SPAG17: variants seen among roughly 807,000 people sequenced by gnomAD.
The protein encoded by SPAG17 is sperm-associated antigen 17.
A neutral mutation model predicts 273.6 loss-of-function variants in SPAG17; 169 were observed. That is an observed-to-expected ratio of 0.62 (90% CI 0.55 to 0.70). SPAG17 has a LOEUF of 0.70. Ranked by LOEUF, SPAG17 falls within the 30% of genes least tolerant of loss-of-function variation. SPAG17 has a pLI of 0.00. For missense variants in SPAG17, 2,557 were observed against 2,627.8 expected (o/e 0.97, Z 0.59); for synonymous variants, 825 against 873.2 (o/e 0.94, Z 0.97).
intron 26 of SPAG17, among the ~76,000 whole-genome samples, chr1:118,027,607 G>C (rs890698352): frequency 6.6e-6 from 1 of 152,072 alleles, no homozygotes; most frequent in South Asian, 2.1e-4. Context: ...CTGCTTTGTT[G>C]CATCTTCTAC....
At chr1:118,094,569 G>A (rs1244129828) in intron 7 of SPAG17, among the ~76,000 whole-genome samples, 1 of 152,152 alleles carries the variant, frequency 6.6e-6, no homozygotes, top group East Asian at 1.9e-4. Flanking sequence ...TCCTATCTTG[G>A]ATATGAAGCC....
intron 3 of SPAG17, among the ~76,000 whole-genome samples, chr1:118,150,110 C>T (rs990057860): frequency 2.6e-5 from 4 of 152,116 alleles, no homozygotes; most frequent in Admixed American, 6.5e-5. Flanking sequence ...GCAGCTGTAC[C>T]TCTGTCTTAT....
intron 3 of SPAG17, among the ~76,000 whole-genome samples, chr1:118,144,716 A>G (rs1373481465): frequency 6.6e-6 from 1 of 152,174 alleles, no homozygotes; most frequent in African/African-American, 2.4e-5. Context: ...CTGATGTGGA[A>G]CGGAAAGATC....
At chr1:118,154,517 C>T (rs1040743597) in intron 1 of SPAG17, among the ~76,000 whole-genome samples, 5 of 152,156 alleles carry the variant, frequency 3.3e-5, no homozygotes, top group Non-Finnish European at 5.9e-5. Context: ...ATAAGCAATT[C>T]TCTGCAAATA....
chr1:118,092,071 G>T, intron 8 of SPAG17, 69 bp from the exon 9 acceptor site: 2 of 1,293,826 alleles, frequency 1.5e-6, no homozygotes, highest in Non-Finnish European at 2.2e-6. Context: ...TCAAATGCTG[G>T]TATGATGAGA....
At chr1:118,095,605 G>A (rs960076987) in intron 7 of SPAG17, among the ~76,000 whole-genome samples, 12 of 152,344 alleles carry the variant, frequency 7.9e-5, no homozygotes, top group African/African-American at 2.4e-4. Context: ...ATTAACCAGA[G>A]ATTTTACATG....
intron 20 of SPAG17, among the ~76,000 whole-genome samples, chr1:118,042,340 C>T (rs1444473348): frequency 6.6e-6 from 1 of 152,168 alleles, no homozygotes; most frequent in African/African-American, 2.4e-5. Context: ...ACCATTGCAG[C>T]AGCCTCTTAA....
At chr1:118,118,026 C>A (rs1389884348) in intron 3 of SPAG17, among the ~76,000 whole-genome samples, 3 of 152,184 alleles carry the variant, frequency 2.0e-5, no homozygotes, top group Non-Finnish European at 4.4e-5. Context: ...TTTCAAAATT[C>A]TTTCTTCTGA....
chr1:117,981,889 G>A (rs1432677838), intron 42 of SPAG17, among the ~76,000 whole-genome samples: 1 of 152,206 alleles, frequency 6.6e-6, no homozygotes, highest in Non-Finnish European at 1.5e-5. Flanking sequence ...ATCTAGGATT[G>A]AGGAGGCAAA....
In SPAG17 at chr1:118,155,073, G is replaced by C. The variant is rs528103955; in HGVS notation, c.88-3704C>G. ...TGACCTGGAGGCATGTATTGTACAT[G>C]ATCATTGCTGAGTCTCACCCCTCCT... On this transcript the variant is annotated intron_variant, in intron 1 of 48. Coordinates refer to ENST00000336338, the MANE Select transcript of SPAG17 (RefSeq NM_206996.4). Among the ~76,000 whole-genome samples, 142 of 152,198 alleles carry C rather than the reference G, an allele frequency of 9.3e-4. 1 individual carries two copies. The highest frequency in any genetic ancestry group is 3.2e-3 in the African/African-American group (133 of 41,538).
chr1:118,150,440 CATTT>C, intron 3 of SPAG17, 99 bp downstream of exon 3: 1 of 560,216 alleles, frequency 1.8e-6, no homozygotes, highest in Non-Finnish European at 3.1e-6. Context: ...GAGGAGCAGG[CATTT>C]ATTTTCAAAG....
chr1:118,086,342 T>C (rs1467896040), intron 12 of SPAG17, among the ~76,000 whole-genome samples: 1 of 152,230 alleles, frequency 6.6e-6, no homozygotes, highest in African/African-American at 2.4e-5. Flanking sequence ...TCTCTCTCTT[T>C]TGAGATCCTT....
At chr1:117,961,421 T>G (rs1434630289) in intron 48 of SPAG17, 2 of 152,216 alleles carry the variant, frequency 1.3e-5, no homozygotes, top group Admixed American at 1.3e-4. Context: ...GACAGATACC[T>G]CTGGGTCTGG....
At chr1:118,102,031 C>CCTG in intron 4 of SPAG17, 105 bp from the exon 5 acceptor site, 1 of 977,708 alleles carries the variant, frequency 1.0e-6, no homozygotes, top group South Asian at 1.6e-5. Flanking sequence ...CACTTGTATA[C>CCTG]TCTTTATTTT....
chr1:118,058,758 T>G (rs1651970459), intron 18 of SPAG17, among the ~76,000 whole-genome samples: 1 of 152,016 alleles, frequency 6.6e-6, no homozygotes, highest in Non-Finnish European at 1.5e-5. Flanking sequence ...ACATATAAAA[T>G]GATTGGGAAA....
rs187665006 is a variant in SPAG17, at chr1:117,987,198, C to T, written c.5669+636G>A. 1.1e-3 allele frequency among the ~76,000 whole-genome samples: 165 copies of T among 152,264 alleles called. 3 individuals carry two copies. The highest frequency in any genetic ancestry group is 0.011 in the Admixed American group (163 of 15,268). ...AAACTTAAGCTATCCTCCCTGCAGA[C>T]AGTATATCCCTTCTAGTTTGACCTT... On this transcript the variant is annotated intron_variant, in intron 40 of 48. Transcript: ENST00000336338.
chr1:118,134,654 A>C (rs750752219), intron 3 of SPAG17, among the ~76,000 whole-genome samples: 2 of 152,124 alleles, frequency 1.3e-5, no homozygotes, highest in Non-Finnish European at 2.9e-5. Flanking sequence ...CCCATACCTA[A>C]AGGATAAACC....
intron 15 of SPAG17, among the ~76,000 whole-genome samples, chr1:118,077,506 T>C (rs898054782): frequency 2.0e-5 from 3 of 152,122 alleles, no homozygotes; most frequent in African/African-American, 4.8e-5. Flanking sequence ...GTGGCAAAAG[T>C]TGCCTAAGGA....
chr1:118,059,406 T>C (rs1245613617), intron 18 of SPAG17, among the ~76,000 whole-genome samples: 1 of 152,174 alleles, frequency 6.6e-6, no homozygotes, highest in Non-Finnish European at 1.5e-5. Flanking sequence ...ATTTATCATG[T>C]ACAACATGTG....
Sources: gnomAD v4.1 joint callset for allele counts (sites outside exome capture counted in the v4.1 genomes callset) on GRCh38, gnomAD v4.1.1 for gene constraint, MANE v1.5 for transcripts, NCBI Gene and HGNC (gene_info 2026-07-23, HGNC 2026-07-21) for gene names.